The following MAP2K2 variants were observed in gnomAD, a reference collection of about 807,000 sequenced individuals.
MAP2K2 encodes the protein dual specificity mitogen-activated protein kinase kinase 2.
In MAP2K2, 24 loss-of-function variants were observed where a neutral mutation model predicts 43.7. The observed-to-expected ratio is 0.55, with a 90% confidence interval of 0.40 to 0.77. MAP2K2 has a LOEUF of 0.77. MAP2K2 is among the 30% of genes least tolerant of loss of function. MAP2K2 has a pLI of 0.00. For missense variants in MAP2K2, 470 were observed against 566.8 expected (o/e 0.83, Z 1.73); for synonymous variants, 244 against 239.7 (o/e 1.02, Z -0.17).
chr19:4,102,461 G>T lies in MAP2K2; in HGVS notation c.451-8C>A. 1 of 1,591,588 alleles carries T rather than the reference G, an allele frequency of 6.3e-7. No individual in the cohort carries two copies. The highest frequency in any genetic ancestry group is 8.6e-7 in the Non-Finnish European group (1 of 1,169,000). On this transcript the variant is annotated splice_region_variant and splice_polypyrimidine_tract_variant and intron_variant, in intron 3 of 10. Transcript: ENST00000262948. ...GTCCAGGGAGCCGCCGTCCTAGAGG[G>T]CACACAAGGAGTGAGTGCAGGCTCT...
chr19:4,096,071 G>A (rs557283343), intron 8 of MAP2K2, among the ~76,000 whole-genome samples: 5 of 152,340 alleles, frequency 3.3e-5, no homozygotes, highest in South Asian at 2.1e-4. Context: ...CACCGTGCCC[G>A]GCCAAACTGG....
chr19:4,107,851 G>C (rs1448963444), intron 3 of MAP2K2, among the ~76,000 whole-genome samples: 1 of 152,234 alleles, frequency 6.6e-6, no homozygotes, highest in Non-Finnish European at 1.5e-5. Context: ...GCCATCCTGG[G>C]AGGAGCTCAC....
intron 3 of MAP2K2, among the ~76,000 whole-genome samples, chr19:4,108,593 G>C (rs1393967512): frequency 6.6e-6 from 1 of 152,060 alleles, no homozygotes; most frequent in Non-Finnish European, 1.5e-5. Flanking sequence ...AACACAGACA[G>C]CACGGCCTGT....
chr19:4,106,384 A>T (rs2041086072), intron 3 of MAP2K2, among the ~76,000 whole-genome samples: 1 of 152,126 alleles, frequency 6.6e-6, no homozygotes, highest in South Asian at 2.1e-4. Flanking sequence ...TACAATAAAC[A>T]AATGAATGGG....
chr19:4,115,686 G>A lies in MAP2K2; in HGVS notation c.303+1733C>T, dbSNP rs4525614. 0.051 allele frequency among the ~76,000 whole-genome samples: 7,760 copies of A among 152,244 alleles called. 231 individuals carry two copies. The highest frequency in any genetic ancestry group is 0.07 in the South Asian group (336 of 4,828). ...GACAGAGCTGCAGAGCTAAATCCCC[G>A]CAGGAGTTGAGCCGCTGCTCCCGAG... On this transcript the variant is annotated intron_variant, in intron 2 of 10. Coordinates refer to ENST00000262948, the MANE Select transcript of MAP2K2 (RefSeq NM_030662.4). The surrounding 1 kb of genome is among the most constrained non-coding windows in gnomAD (Gnocchi z 4.1).
intron 2 of MAP2K2, among the ~76,000 whole-genome samples, chr19:4,111,432 G>A (rs548174085): frequency 6.6e-6 from 1 of 152,274 alleles, no homozygotes; most frequent in Non-Finnish European, 1.5e-5. Context: ...AGGGAGGCAG[G>A]GCAATGGCTC....
At chr19:4,109,587 C>T (rs2041129590) in intron 3 of MAP2K2, among the ~76,000 whole-genome samples, 1 of 151,990 alleles carries the variant, frequency 6.6e-6, no homozygotes, top group South Asian at 2.1e-4. Context: ...TATTTTTATC[C>T]CCATTTTTAA....
chr19:4,114,833 G>T (rs2041200529), intron 2 of MAP2K2, among the ~76,000 whole-genome samples: 1 of 152,146 alleles, frequency 6.6e-6, no homozygotes, highest in African/African-American at 2.4e-5. Flanking sequence ...AGGAGGCTAA[G>T]GGAGGAGAAT....
At chr19:4,106,910 C>T (rs909902919) in intron 3 of MAP2K2, among the ~76,000 whole-genome samples, 2 of 152,204 alleles carry the variant, frequency 1.3e-5, no homozygotes, top group Admixed American at 6.5e-5. Context: ...GCAGATAGGA[C>T]GAGACCCCCA....
intron 8 of MAP2K2, among the ~76,000 whole-genome samples, chr19:4,096,242 G>C (rs1309978988): frequency 6.6e-6 from 1 of 152,196 alleles, no homozygotes; most frequent in Non-Finnish European, 1.5e-5. Context: ...TGTGCTCACT[G>C]GGCATGGGTG....
At chr19:4,120,733 T>C (rs2041282530) in intron 1 of MAP2K2, among the ~76,000 whole-genome samples, 1 of 152,182 alleles carries the variant, frequency 6.6e-6, no homozygotes, top group South Asian at 2.1e-4. Flanking sequence ...AACCCAACTG[T>C]GGTTATTAAA....
In MAP2K2 at chr19:4,098,996, C is replaced by G. The variant is rs568162452; in HGVS notation, c.919+205G>C. On this transcript the variant is annotated intron_variant, in intron 7 of 10. Coordinates refer to ENST00000262948, the MANE Select transcript of MAP2K2 (RefSeq NM_030662.4). ...CAACAACAGGTGCAGCTGCCCCGGA[C>G]AGAACAGGTTTGGGGTGCTCACTGC... Among the ~76,000 whole-genome samples, 6 of 152,372 alleles carry G rather than the reference C, an allele frequency of 3.9e-5. No homozygotes were observed. In the South Asian group the frequency reaches 1.0e-3, roughly 26 times the overall value.
intron 2 of MAP2K2, among the ~76,000 whole-genome samples, chr19:4,111,972 A>C (rs1383162020): frequency 6.8e-6 from 1 of 147,276 alleles, no homozygotes; most frequent in Admixed American, 6.6e-5. Flanking sequence ...CCCCAAAAAA[A>C]CAAAACAACA....
chr19:4,095,548 C>T, intron 8 of MAP2K2, 99 bp from the exon 9 acceptor site: 1 of 987,170 alleles, frequency 1.0e-6, no homozygotes, highest in African/African-American at 1.6e-5. Flanking sequence ...GGTCACCCAC[C>T]CTGCAGGCCT....
At chr19:4,108,989 G>A (rs2041123152) in intron 3 of MAP2K2, among the ~76,000 whole-genome samples, 1 of 152,222 alleles carries the variant, frequency 6.6e-6, no homozygotes, top group Non-Finnish European at 1.5e-5. Flanking sequence ...TCCCTCGCAG[G>A]CGGGAAAGGG....
At chr19:4,118,751 C>T (rs1356277476) in intron 1 of MAP2K2, among the ~76,000 whole-genome samples, 3 of 152,204 alleles carry the variant, frequency 2.0e-5, no homozygotes, top group African/African-American at 7.2e-5. Flanking sequence ...CAATGTACTC[C>T]AGCCTGGGTG....
chr19:4,091,104 C>T (rs1269472065), intron 10 of MAP2K2, among the ~76,000 whole-genome samples: 1 of 152,186 alleles, frequency 6.6e-6, no homozygotes, highest in Non-Finnish European at 1.5e-5. Flanking sequence ...TGGCCTCCAC[C>T]CACTCCATGC....
chr19:4,112,435 G>A lies in MAP2K2; in HGVS notation c.304-1780C>T, dbSNP rs150573756. Among the ~76,000 whole-genome samples, 11 of 152,342 alleles carry A rather than the reference G, an allele frequency of 7.2e-5. No homozygotes were observed. In the East Asian group the frequency reaches 9.6e-4, roughly 13 times the overall value. The stretch of plus-strand genomic sequence containing the variant: ...GTTCCAGGCAGAGGGACAAAGAGCC[G>A]CCTGTCAGCGGGCACGGAGGCATGA... On this transcript the variant is annotated intron_variant, in intron 2 of 10. Transcript: ENST00000262948.
chr19:4,106,631 C>T (rs903209878), intron 3 of MAP2K2, among the ~76,000 whole-genome samples: 15 of 152,102 alleles, frequency 9.9e-5, no homozygotes, highest in Non-Finnish European at 1.9e-4. Flanking sequence ...TGGTCTTGAA[C>T]TCTTGACCTC....
Sources: gnomAD v4.1 joint callset for allele counts (sites outside exome capture counted in the v4.1 genomes callset) on GRCh38, gnomAD v4.1.1 for gene constraint, Gnocchi (gnomAD v3.1) non-coding constraint, MANE v1.5 for transcripts, NCBI Gene and HGNC (gene_info 2026-07-23, HGNC 2026-07-21) for gene names.